Variants in POU2F1 observed in about 807,000 individuals in gnomAD.
POU2F1 encodes POU class 2 homeobox 1, also known as POU domain, class 2, transcription factor 1.
A neutral mutation model predicts 84.9 loss-of-function variants in POU2F1; 16 were observed. The observed-to-expected ratio is 0.19, with a 90% CI of 0.13 to 0.29. The LOEUF (loss-of-function observed/expected upper bound fraction) is 0.29, where lower values mean the gene tolerates loss of function less well. Ranked by LOEUF, POU2F1 falls within the 10% of genes least tolerant of loss-of-function variation. The probability of loss-of-function intolerance (pLI) is 1.00; values close to 1 mark genes in which losing one functional copy is unlikely to be tolerated. For synonymous variants in POU2F1, 368 were observed against 368.3 expected, an observed-to-expected ratio of 1.00 and a Z score of 0.01; for missense variants, 738 against 942.6, an observed-to-expected ratio of 0.78 and a Z score of 2.84.
intron 4 of POU2F1, 68 bp downstream of exon 4, chr1:167,370,282 C>A: frequency 1.5e-6 from 2 of 1,309,630 alleles, no homozygotes; most frequent in South Asian, 1.5e-5. Context: ...CTGTAGTGAG[C>A]ATATATTTTA....
chr1:167,415,591 G>T lies in POU2F1; in HGVS notation c.2082G>T (p.Val694=). ...FANAGGAPNI[V]TAPLFLNPQN... is the part of the protein sequence containing the mutation. ...ATGCGGGAGGAGCCCCCAACATCGT[G>T]ACTGCCCCTCTGTTCCTGAACCCTC... The change falls in exon 16 of 16, where the codon GTG becomes GTT. Residue 694 remains valine (V), a synonymous_variant. Transcript: ENST00000367866. The T allele has an allele frequency of 6.2e-7, 1 of 1,614,190 alleles. No homozygotes were observed. The highest frequency in any genetic ancestry group is 1.1e-5 in the South Asian group (1 of 91,082).
chr1:167,377,448 G>A lies in POU2F1; in HGVS notation c.718+1293G>A, dbSNP rs191063767. ...AAAAATACAAAAAAAATAGCCAGGC[G>A]TGGTGGCAGGCGCCTGTAGTCCCAG... On this transcript the variant is annotated intron_variant, in intron 7 of 15. Coordinates refer to ENST00000367866, the MANE Select transcript of POU2F1 (RefSeq NM_002697.4). 4.0e-3 allele frequency among the ~76,000 whole-genome samples: 614 copies of A among 152,226 alleles called. 11 individuals carry two copies. The highest frequency in any genetic ancestry group is 0.014 in the African/African-American group (590 of 41,538).
At chr1:167,269,679 G>A (rs760184760) in intron 1 of POU2F1, among the ~76,000 whole-genome samples, 16 of 152,216 alleles carry the variant, frequency 1.1e-4, no homozygotes, top group South Asian at 2.1e-4. Context: ...TTGGGAGGCC[G>A]TGGTGGGCAG....
chr1:167,351,519 CAAAAAAA>C (rs34170498), intron 2 of POU2F1, among the ~76,000 whole-genome samples: 26 of 45,990 alleles, frequency 5.7e-4, no homozygotes, highest in Admixed American at 1.7e-3. Context: ...AGCACCATCT[CAAAAAAA>C]AAAAAAAAAA....
intron 1 of POU2F1, among the ~76,000 whole-genome samples, chr1:167,255,381 G>A (rs1436016283): frequency 6.6e-6 from 1 of 152,116 alleles, no homozygotes; most frequent in Non-Finnish European, 1.5e-5. Context: ...CCAGTATGCA[G>A]GGCAATGTGA....
At chr1:167,257,144 A>G (rs1337726065) in intron 1 of POU2F1, among the ~76,000 whole-genome samples, 5 of 152,176 alleles carry the variant, frequency 3.3e-5, no homozygotes, top group Non-Finnish European at 1.5e-5. Context: ...GTTTTGTACA[A>G]GAATAGGTAG....
intron 2 of POU2F1, chr1:167,357,359 TCCCCCCCCA>T (rs1557922152): frequency 1.4e-4 from 3 of 21,870 alleles, no homozygotes; most frequent in Non-Finnish European, 2.5e-4. Context: ...CCCCCACGCC[TCCCCCCCCA>T]CCCCCCCCCC....
At chr1:167,304,950 A>G (rs1571264071) in intron 1 of POU2F1, among the ~76,000 whole-genome samples, 1 of 152,366 alleles carries the variant, frequency 6.6e-6, no homozygotes, top group African/African-American at 2.4e-5. Flanking sequence ...AACATTTCAC[A>G]TCTGACTGGC....
In POU2F1 at chr1:167,271,274, C is replaced by T. The variant is rs555325779; in HGVS notation, c.61+50316C>T. On this transcript the variant is annotated intron_variant, in intron 1 of 15. Transcript: ENST00000367866. ...AAAGTGGGAGAGAAGCCATTTAAAA[C>T]AATAAACTGAAACTCTTTTCCTGAG... Among the ~76,000 whole-genome samples the T allele has an allele frequency of 3.3e-5, 5 of 152,198 alleles. No homozygotes were observed. The South Asian group carries it at 1.0e-3, about 32-fold the overall frequency.
At chr1:167,244,959 C>A (rs1352185146) in intron 1 of POU2F1, among the ~76,000 whole-genome samples, 2 of 152,122 alleles carry the variant, frequency 1.3e-5, no homozygotes, top group East Asian at 3.8e-4. Context: ...TACTACATAG[C>A]TGTCTTCTAA....
At chr1:167,232,389 AGTT>A (rs1165709743) in intron 1 of POU2F1, among the ~76,000 whole-genome samples, 1 of 152,192 alleles carries the variant, frequency 6.6e-6, no homozygotes, top group Non-Finnish European at 1.5e-5. Flanking sequence ...TTTGTGTCTT[AGTT>A]GTTAACAAAA....
intron 1 of POU2F1, among the ~76,000 whole-genome samples, chr1:167,312,754 G>A (rs1425365024): frequency 1.3e-5 from 2 of 152,072 alleles, no homozygotes; most frequent in Non-Finnish European, 2.9e-5. Context: ...TTTTAGTCCT[G>A]CAAGTCCCAT....
intron 3 of POU2F1, among the ~76,000 whole-genome samples, chr1:167,367,028 C>T (rs1199609309): frequency 6.6e-6 from 1 of 152,122 alleles, no homozygotes; most frequent in African/African-American, 2.4e-5. Flanking sequence ...GTACCAGCTC[C>T]AAGACCTCTA....
chr1:167,409,151 C>G (rs1649788183), intron 13 of POU2F1, among the ~76,000 whole-genome samples: 1 of 152,160 alleles, frequency 6.6e-6, no homozygotes, highest in Admixed American at 6.6e-5. Flanking sequence ...TTACTAGAAG[C>G]TTTATAGTTT....
chr1:167,261,512 A>G (rs866038885), intron 1 of POU2F1, among the ~76,000 whole-genome samples: 7 of 152,224 alleles, frequency 4.6e-5, no homozygotes, highest in Middle Eastern at 3.4e-3. Context: ...GGCACAGTCT[A>G]GGGGAACACA....
At chr1:167,325,494 T>G (rs1186358569) in intron 1 of POU2F1, among the ~76,000 whole-genome samples, 1 of 152,208 alleles carries the variant, frequency 6.6e-6, no homozygotes, top group East Asian at 1.9e-4. Context: ...ATAAAAGGTG[T>G]GTTTTAAAAC....
At chr1:167,223,716 C>CT (rs1648414328) in intron 1 of POU2F1, among the ~76,000 whole-genome samples, 1 of 151,892 alleles carries the variant, frequency 6.6e-6, no homozygotes, top group Non-Finnish European at 1.5e-5. Context: ...TAGGCAGGCC[C>CT]TGAATGCAGC....
Position 167,399,282 on chromosome 1 carries a change from A to G in POU2F1, c.1366A>G (p.Lys456Glu). The G allele has an allele frequency of 1.9e-6, 3 of 1,614,146 alleles. No individual in the cohort carries two copies. Among genetic ancestry groups the G allele is most frequent in the Non-Finnish European group, 1.7e-6 (2 of 1,180,018 alleles). ...TGTTTGGTTCTGTAACCGCCGCCAG[A>G]AAGAAAAAAGAATCAACCCACCAAG... The part of the protein sequence containing the change: ...IRVWFCNRRQ[K>E]EKRINPPSSG... Residue 456 changes from lysine (K) to glutamate (E), a missense_variant, in exon 12 of 16, where the codon AAA (lysine) becomes GAA (glutamate). Physicochemically the swap from Lys to Glu is moderately conservative, Grantham distance 56. Coordinates refer to ENST00000367866, the MANE Select transcript of POU2F1 (RefSeq NM_002697.4).
chr1:167,298,940 G>T (rs1418138721), intron 1 of POU2F1, among the ~76,000 whole-genome samples: 2 of 152,064 alleles, frequency 1.3e-5, no homozygotes, highest in Non-Finnish European at 2.9e-5. Context: ...AAGGCGGGCG[G>T]ATCACCTGAG....
Sources: gnomAD v4.1 joint callset for allele counts (sites outside exome capture counted in the v4.1 genomes callset) on GRCh38, gnomAD v4.1.1 for gene constraint, MANE v1.5 for transcripts, NCBI Gene and HGNC (gene_info 2026-07-23, HGNC 2026-07-21) for gene names.